RP1: variants seen among roughly 807,000 people sequenced by gnomAD.
The protein encoded by RP1 is oxygen-regulated protein 1.
A neutral mutation model predicts 14.8 loss-of-function variants in RP1; 16 were observed. That is an observed-to-expected ratio of 1.08 (90% CI 0.73 to 1.65). The LOEUF is 1.65. Among genes scored for constraint, RP1 ranks in the 40% most tolerant of loss-of-function variants. The pLI, the probability that RP1 is intolerant of heterozygous loss-of-function variation, is 0.00. For missense variants in RP1, 2,631 were observed against 2,535.0 expected, an observed-to-expected ratio of 1.04 and a Z score of -0.81; for synonymous variants, 876 against 883.6, an observed-to-expected ratio of 0.99 and a Z score of 0.15.
At chr8:54,846,336 A>G (rs1304956461) in intron 25 of RP1, among the ~76,000 whole-genome samples, 1 of 152,210 alleles carries the variant, frequency 6.6e-6, no homozygotes, top group African/African-American at 2.4e-5. Flanking sequence ...GGTGGATTTG[A>G]ATCTTCATAA....
In RP1 at chr8:54,813,710, G is replaced by A. The variant is rs536887933; in HGVS notation, c.3616-23740G>A. Among the ~76,000 whole-genome samples the A allele has an allele frequency of 3.9e-5, 6 of 152,268 alleles. No homozygotes were observed. The South Asian group carries it at 1.2e-3, about 32-fold the overall frequency. On this transcript the variant is annotated intron_variant, in intron 24 of 28. Transcript: ENST00000637698. ...CACACAGCATTTACACACATGCACT[G>A]GATAAGCACAGGCTGTGTCTACACA...
intron 24 of RP1, among the ~76,000 whole-genome samples, chr8:54,832,235 C>G (rs1288335412): frequency 6.6e-6 from 1 of 151,516 alleles, no homozygotes; most frequent in Non-Finnish European, 1.5e-5. Flanking sequence ...TTTTTCTTCT[C>G]TATTCAATCT....
At chr8:54,732,817 A>G (rs1808825423) in intron 17 of RP1, among the ~76,000 whole-genome samples, 1 of 152,132 alleles carries the variant, frequency 6.6e-6, no homozygotes, top group Admixed American at 6.6e-5. Context: ...TTGTTGGACC[A>G]ATTTTTGTGA....
intron 7 of RP1, chr8:54,663,991 A>G (rs1382473932): frequency 1.2e-6 from 1 of 826,920 alleles, no homozygotes; most frequent in Non-Finnish European, 1.7e-6. Context: ...TGTGCAACAG[A>G]TCATCAGAAC....
intron 24 of RP1, among the ~76,000 whole-genome samples, chr8:54,814,489 T>C (rs1737149890): frequency 6.6e-6 from 1 of 152,224 alleles, no homozygotes; most frequent in African/African-American, 2.4e-5. Flanking sequence ...TGGATAATCA[T>C]TGGAACATAT....
chr8:54,853,807 A>T, intron 26 of RP1, among the ~76,000 whole-genome samples: 1 of 149,684 alleles, frequency 6.7e-6, no homozygotes, highest in Non-Finnish European at 1.5e-5. Context: ...AGAGAAAGAA[A>T]GAGAAAGGAA....
At chr8:54,659,836 G>T (rs1168770504) in intron 6 of RP1, among the ~76,000 whole-genome samples, 5 of 152,078 alleles carry the variant, frequency 3.3e-5, no homozygotes, top group African/African-American at 1.2e-4. Flanking sequence ...ACAATATTAA[G>T]TCTTCTAACC....
intron 15 of RP1, among the ~76,000 whole-genome samples, chr8:54,715,645 T>A (rs945420304): frequency 2.0e-5 from 3 of 152,140 alleles, no homozygotes; most frequent in African/African-American, 7.2e-5. Flanking sequence ...AGTGGGTGAG[T>A]AGAAGTTTCC....
intron 24 of RP1, among the ~76,000 whole-genome samples, chr8:54,826,883 T>C (rs949516006): frequency 1.3e-5 from 2 of 152,222 alleles, no homozygotes; most frequent in Non-Finnish European, 2.9e-5. Flanking sequence ...CAAACCTAGA[T>C]GGTCTAGCCT....
In RP1 at chr8:54,617,315, T is replaced by C. The variant is rs528204555; in HGVS notation, c.-13+1113T>C. 1.4e-4 allele frequency among the ~76,000 whole-genome samples: 22 copies of C among 152,372 alleles called. No homozygotes were observed. The South Asian group carries it at 3.1e-3, about 22-fold the overall frequency. On this transcript the variant is annotated intron_variant, in intron 1 of 3. Transcript: ENST00000220676. Reference sequence around the variant, plus strand: ...CCTAGGTAGCCCTTAAGTATATTACTGCCTTATTCCAAATTTAAAGGGCAT... The same window carrying C: ...CCTAGGTAGCCCTTAAGTATATTACCGCCTTATTCCAAATTTAAAGGGCAT...
At chr8:54,855,933 A>T (rs1303666990) in intron 26 of RP1, among the ~76,000 whole-genome samples, 1 of 95,318 alleles carries the variant, frequency 1.0e-5, no homozygotes, top group Non-Finnish European at 2.0e-5. Context: ...GAGACTTACT[A>T]TACACACACA....
intron 1 of RP1, among the ~76,000 whole-genome samples, chr8:54,565,527 G>A (rs1431425390): frequency 6.6e-6 from 1 of 152,088 alleles, no homozygotes; most frequent in Admixed American, 6.5e-5. Context: ...ACCTTAGCTG[G>A]CCCAAAGCCC....
chr8:54,774,308 A>T (rs181737636), downstream of RP1, among the ~76,000 whole-genome samples: 1 of 152,314 alleles, frequency 6.6e-6, no homozygotes, highest in Non-Finnish European at 1.5e-5. Context: ...ATGAGTGTGC[A>T]TAATTTGTGA....
chr8:54,585,569 C>T (rs2129298580), intron 1 of RP1, among the ~76,000 whole-genome samples: 1 of 152,324 alleles, frequency 6.6e-6, no homozygotes, highest in East Asian at 1.9e-4. Context: ...GGCAGTTCTC[C>T]TGGATAATAT....
intron 24 of RP1, among the ~76,000 whole-genome samples, chr8:54,789,294 T>G (rs1046965111): frequency 2.0e-5 from 3 of 152,184 alleles, no homozygotes; most frequent in Admixed American, 2.0e-4. Flanking sequence ...CAGTCTGCAG[T>G]TATGCCTGTC....
intron 7 of RP1, among the ~76,000 whole-genome samples, chr8:54,669,607 G>A (rs1032793334): frequency 4.6e-5 from 7 of 152,150 alleles, no homozygotes; most frequent in African/African-American, 9.7e-5. Flanking sequence ...ATTCACAATA[G>A]CAAAGACTTG....
chr8:54,627,624 G>A lies in RP1; in HGVS notation c.3742G>A (p.Glu1248Lys). 3 of 1,614,198 alleles carry A rather than the reference G, an allele frequency of 1.9e-6. No homozygotes were observed. Among genetic ancestry groups the A allele is most frequent in the Non-Finnish European group, 1.7e-6 (2 of 1,179,994 alleles). ...GCSASEACAPEVCVLEVTCSP... is the reference protein window; with the variant it reads ...GCSASEACAPKVCVLEVTCSP... The stretch of plus-strand genomic sequence containing the variant: ...CTCTGCCAGTGAGGCATGTGCCCCT[G>A]AAGTCTGTGTTTTGGAAGTGACTTG... The change falls in exon 4 of 4, where the codon GAA becomes AAA. Residue 1248 changes from glutamate (E) to lysine (K), a missense_variant. Glu to Lys is a moderately conservative substitution (Grantham distance 56). Coordinates refer to ENST00000220676, the MANE Select transcript of RP1 (RefSeq NM_006269.2).
chr8:54,663,766 C>T, exon 7 of RP1: 1 of 1,535,134 alleles, frequency 6.5e-7, no homozygotes. Context: ...CAAACGTCTA[C>T]ATTTCTATCC....
chr8:54,571,462 A>G (rs1341470070), intron 1 of RP1, among the ~76,000 whole-genome samples: 3 of 152,180 alleles, frequency 2.0e-5, no homozygotes, highest in East Asian at 3.9e-4. Flanking sequence ...CCTTCCCATG[A>G]CCACAGTCAG....
Sources: gnomAD v4.1 joint callset for allele counts (sites outside exome capture counted in the v4.1 genomes callset) on GRCh38, gnomAD v4.1.1 for gene constraint, MANE v1.5 for transcripts, NCBI Gene and HGNC (gene_info 2026-07-23, HGNC 2026-07-21) for gene names.